Variants in UBE2V2 observed in about 807,000 individuals in gnomAD.
UBE2V2 encodes the protein ubiquitin-conjugating enzyme E2 variant 2.
UBE2V2 carries 9 observed loss-of-function variants against 17.2 expected under a neutral mutation model. The observed-to-expected ratio is 0.52, with a 90% CI of 0.32 to 0.91. The LOEUF is 0.91. Ranked by LOEUF, UBE2V2 falls within the 40% of genes least tolerant of loss-of-function variation. The pLI, the probability that UBE2V2 is intolerant of heterozygous loss-of-function variation, is 0.04. For synonymous variants in UBE2V2, 61 were observed against 57.5 expected, an observed-to-expected ratio of 1.06 and a Z score of -0.28; for missense variants, 133 against 182.6, an observed-to-expected ratio of 0.73 and a Z score of 1.56.
chr8:48,007,163 A>G (rs918386300), upstream of UBE2V2, among the ~76,000 whole-genome samples: 1 of 151,700 alleles, frequency 6.6e-6, no homozygotes, highest in Non-Finnish European at 1.5e-5. Flanking sequence ...GCTGGGATCC[A>G]TGCCCGGCCA....
In UBE2V2 at chr8:48,060,958, G is replaced by GT; in HGVS notation, c.*131dup. On this transcript the variant is annotated 3_prime_UTR_variant, in exon 4 of 4. Coordinates refer to ENST00000523111, the MANE Select transcript of UBE2V2 (RefSeq NM_003350.3). ...GCTGGTAAACATGACCTGGACATTT[G>GT]TAAGAATATATTTAATATATGTACA... The GT allele has an allele frequency of 4.7e-6, 4 of 846,066 alleles. No individual in the cohort carries two copies. Among genetic ancestry groups the GT allele is most frequent in the Non-Finnish European group, 6.5e-6 (4 of 617,766 alleles). The allele number at this position is 846,066 out of a possible 1,614,324, so 52.4% of individuals were successfully genotyped here.
chr8:48,021,603 G>T (rs1196749524), intron 1 of UBE2V2, among the ~76,000 whole-genome samples: 2 of 152,026 alleles, frequency 1.3e-5, no homozygotes, highest in Non-Finnish European at 2.9e-5. Flanking sequence ...ACTGCGCCCG[G>T]CCGGTCTTGA....
chr8:48,054,840 G>A (rs1257762640), intron 3 of UBE2V2, among the ~76,000 whole-genome samples: 1 of 152,154 alleles, frequency 6.6e-6, no homozygotes, highest in African/African-American at 2.4e-5. Flanking sequence ...CTGATAAGAT[G>A]CAGATTTTAT....
At chr8:48,036,565 C>G (rs891224728) in intron 1 of UBE2V2, among the ~76,000 whole-genome samples, 4 of 151,792 alleles carry the variant, frequency 2.6e-5, no homozygotes, top group African/African-American at 9.7e-5. Context: ...TCCTGAGTAG[C>G]TGGGATTACA....
At chr8:48,030,614 G>A (rs1465620009) in intron 1 of UBE2V2, among the ~76,000 whole-genome samples, 1 of 152,190 alleles carries the variant, frequency 6.6e-6, no homozygotes, top group African/African-American at 2.4e-5. Context: ...CCAGCTACTT[G>A]TGGGGCTGAG....
chr8:48,029,930 T>G (rs1478672025), intron 1 of UBE2V2, among the ~76,000 whole-genome samples: 3 of 152,176 alleles, frequency 2.0e-5, no homozygotes, highest in Non-Finnish European at 4.4e-5. Context: ...CTCACATCTT[T>G]TAAAGTGCAT....
chr8:47,999,215 C>T, the UBE2V2 span, among the ~76,000 whole-genome samples: 1 of 152,070 alleles, frequency 6.6e-6, no homozygotes. Context: ...GTGGGCAGCA[C>T]CAAAGAAGCT....
intron 2 of UBE2V2, 50 bp downstream of exon 2, chr8:48,043,231 A>G: frequency 7.6e-7 from 1 of 1,309,264 alleles, no homozygotes; most frequent in Non-Finnish European, 1.0e-6. Context: ...TGTTAAAGTT[A>G]GCATTTAATT....
chr8:48,049,697 G>T, intron 2 of UBE2V2, 156 bp from the exon 3 acceptor site: 1 of 599,044 alleles, frequency 1.7e-6, no homozygotes, highest in Non-Finnish European at 2.6e-6. Context: ...TCACCATATA[G>T]GTGAAATAAA....
intron 1 of UBE2V2, among the ~76,000 whole-genome samples, chr8:48,036,999 C>T (rs985036764): frequency 2.6e-5 from 4 of 151,920 alleles, no homozygotes; most frequent in African/African-American, 4.8e-5. Flanking sequence ...GCCAACATGG[C>T]GAAACCCCGT....
chr8:48,001,468 C>T, the UBE2V2 span, among the ~76,000 whole-genome samples: 1 of 152,068 alleles, frequency 6.6e-6, no homozygotes. Context: ...GACATTGTGG[C>T]ATGTATCTGT....
intron 3 of UBE2V2, chr8:48,050,242 CT>C (rs542214279): frequency 1.8e-3 from 333 of 180,782 alleles, no homozygotes; most frequent in Middle Eastern, 4.3e-3. Flanking sequence ...TTTTTCTTTT[CT>C]TTTTTTTTTG....
At chr8:48,053,807 GTT>G (rs202049026) in intron 3 of UBE2V2, among the ~76,000 whole-genome samples, 15 of 135,794 alleles carry the variant, frequency 1.1e-4, no homozygotes, top group African/African-American at 1.9e-4. Flanking sequence ...TCCCCTTCCT[GTT>G]TTTTTTTTTT....
chr8:48,056,321 C>T (rs956585631), intron 3 of UBE2V2, among the ~76,000 whole-genome samples: 3 of 151,984 alleles, frequency 2.0e-5, no homozygotes, highest in African/African-American at 7.3e-5. Context: ...TATTTGTATA[C>T]AAGTTTTTGA....
rs183571705 is a variant in UBE2V2, at chr8:48,025,478, A to C, written c.16+17008A>C. Among the ~76,000 whole-genome samples, 646 of 147,616 alleles carry C rather than the reference A, an allele frequency of 4.4e-3. 4 individuals are homozygous for C. The highest frequency in any genetic ancestry group is 0.015 in the African/African-American group (598 of 39,888). ...TTTTAGTAGAGAAAAGGGTTTCACC[A>C]TATTGACCAGGCTGGTCTTGAACTC... On this transcript the variant is annotated intron_variant, in intron 1 of 3. Transcript: ENST00000523111.
intron 2 of UBE2V2, among the ~76,000 whole-genome samples, chr8:48,048,215 C>T (rs972531717): frequency 1.8e-4 from 28 of 152,130 alleles, no homozygotes; most frequent in Non-Finnish European, 3.2e-4. Flanking sequence ...TGTACACTTA[C>T]GGTTCTTTAC....
chr8:48,061,157 T>C lies in UBE2V2; in HGVS notation c.*329T>C. 1 of 167,290 alleles carries C rather than the reference T, an allele frequency of 6.0e-6. No individual in the cohort carries two copies. The highest frequency in any genetic ancestry group is 1.3e-5 in the Non-Finnish European group (1 of 78,202). The allele number at this position is 167,290 out of a possible 1,614,324, so 10.4% of individuals were successfully genotyped here. ...TGGAAGCATGTGTGTTTCTAAAAAG[T>C]AAAAATCTCAAGAAAACAGAAATGG... is the stretch of plus-strand genomic sequence containing the variant. On this transcript the variant is annotated 3_prime_UTR_variant, in exon 4 of 4. Coordinates refer to ENST00000523111, the MANE Select transcript of UBE2V2 (RefSeq NM_003350.3).
chr8:48,035,948 CTTTTTTTTTTTT>C (rs780718248), intron 1 of UBE2V2, among the ~76,000 whole-genome samples: 1 of 121,710 alleles, frequency 8.2e-6, no homozygotes, highest in Non-Finnish European at 1.7e-5. Flanking sequence ...CCTTGCCTTT[CTTTTTTTTTTTT>C]TTTTTTTTGA....
rs182589761 is a variant in UBE2V2 at position 48,049,763 on chromosome 8, A to G, written c.166-90A>G. On this transcript the variant is annotated intron_variant, in intron 2 of 3. Coordinates refer to ENST00000523111, the MANE Select transcript of UBE2V2 (RefSeq NM_003350.3). Reference sequence around the variant, plus strand: ...TAAACACTGTCTTACGTACATTCATATTGTACTTTCCCTTTTTTTTTTTTA... The same window carrying G: ...TAAACACTGTCTTACGTACATTCATGTTGTACTTTCCCTTTTTTTTTTTTA... 33 of 1,219,928 alleles carry G rather than the reference A, an allele frequency of 2.7e-5. No homozygotes were observed. The Admixed American group carries it at 7.0e-4, about 26-fold the overall frequency. The allele number at this position is 1,219,928 out of a possible 1,614,324, so 75.6% of individuals were successfully genotyped here.
Sources: gnomAD v4.1 joint callset for allele counts (sites outside exome capture counted in the v4.1 genomes callset) on GRCh38, gnomAD v4.1.1 for gene constraint, MANE v1.5 for transcripts, NCBI Gene and HGNC (gene_info 2026-07-23, HGNC 2026-07-21) for gene names.